CDC42BPG: variants seen among roughly 807,000 people sequenced by gnomAD.
The protein encoded by CDC42BPG is serine/threonine-protein kinase MRCK gamma.
A neutral mutation model predicts 192.2 loss-of-function variants in CDC42BPG; 157 were observed. The ratio of observed to expected loss-of-function variants is 0.82; its 90% CI spans 0.72 to 0.93. The LOEUF is 0.93. Among genes scored for constraint, CDC42BPG ranks in the 40% least tolerant of loss-of-function variants. The probability of loss-of-function intolerance (pLI) is 0.00; values close to 1 mark genes in which losing one functional copy is unlikely to be tolerated. For missense variants in CDC42BPG, 1,992 were observed against 2,122.1 expected (o/e 0.94, Z 1.20); for synonymous variants, 981 against 918.5 (o/e 1.07, Z -1.23).
intron 27 of CDC42BPG, among the ~76,000 whole-genome samples, chr11:64,832,023 A>G (rs1349816983): frequency 6.6e-6 from 1 of 152,238 alleles, no homozygotes; most frequent in Non-Finnish European, 1.5e-5. Context: ...GGAGTAGTCA[A>G]GGTAGGTGAG....
chr11:64,841,499 G>C (rs964738264), intron 3 of CDC42BPG, 151 bp downstream of exon 3: 3 of 660,474 alleles, frequency 4.5e-6, no homozygotes, highest in Non-Finnish European at 8.1e-6. Context: ...TTTATTGTGA[G>C]AAAGATAACA....
At position 64,840,237 on chromosome 11, in the gene CDC42BPG, T is replaced by TC. The variant is rs1943219272; in HGVS notation, c.463dup (p.Asp155GlyfsTer24). 2 of 1,612,232 alleles carry TC rather than the reference T, an allele frequency of 1.2e-6. No homozygotes were observed. The highest frequency in any genetic ancestry group is 1.7e-6 in the Non-Finnish European group (2 of 1,179,898). ...GAAGCGGCTCAGCAGCGTCAGGAGG[T>TC]CCCCACCAGCATAGTAGTCCATCAC... On this transcript the variant is annotated frameshift_variant, in exon 5 of 37. Transcript: ENST00000342711. LOFTEE classifies it high-confidence loss of function.
In CDC42BPG at chr11:64,834,852, T is replaced by C; in HGVS notation, c.2172A>G (p.Pro724=). ...NVGTQTLPAR[P]LDHQWKARRL... Reference sequence around the variant, plus strand: ...CAGGGGCATCTCTGGGGCTCACCAGTGGCCGGGCAGGGAGCGTCTGGGTGC... The same window carrying C: ...CAGGGGCATCTCTGGGGCTCACCAGCGGCCGGGCAGGGAGCGTCTGGGTGC... The change falls in exon 18 of 37, where the codon CCA becomes CCG. Residue 724 remains proline (P), a synonymous_variant. Coordinates refer to ENST00000342711, the MANE Select transcript of CDC42BPG (RefSeq NM_017525.3). 1 of 1,612,708 alleles carries C rather than the reference T, an allele frequency of 6.2e-7. No individual in the cohort carries two copies. Among genetic ancestry groups the C allele is most frequent in the Non-Finnish European group, 8.5e-7 (1 of 1,179,656 alleles).
At chr11:64,835,295 C>T (rs1942926764) in intron 16 of CDC42BPG, 52 bp downstream of exon 16, 2 of 1,612,024 alleles carry the variant, frequency 1.2e-6, no homozygotes, top group Non-Finnish European at 1.7e-6. Context: ...TCAACTGGCT[C>T]CCCATTGCCT....
At chr11:64,835,655 C>T (rs1942949312) in intron 14 of CDC42BPG, 34 bp from the exon 15 acceptor site, 4 of 1,579,800 alleles carry the variant, frequency 2.5e-6, no homozygotes, top group Non-Finnish European at 3.4e-6. Flanking sequence ...GGCAGAGACC[C>T]AAGATGCCAT....
Position 64,827,404 on chromosome 11 carries a change from G to A in CDC42BPG, c.4151-6C>T. On this transcript the variant is annotated splice_polypyrimidine_tract_variant and splice_region_variant and intron_variant, in intron 32 of 36. Coordinates refer to ENST00000342711, the MANE Select transcript of CDC42BPG (RefSeq NM_017525.3). ...GATGTCGAACTCGTCCTTCTCTGTG[G>A]GAGAAGTGGAGAGCTGGGCTGTGCT... 1 of 1,612,818 alleles carries A rather than the reference G, an allele frequency of 6.2e-7. No individual in the cohort carries two copies. Among genetic ancestry groups the A allele is most frequent in the East Asian group, 2.2e-5 (1 of 44,816 alleles).
rs201455618 is a variant in CDC42BPG, at chr11:64,827,407, G to A, written c.4151-9C>T. ...GTCGAACTCGTCCTTCTCTGTGGGAGAAGTGGAGAGCTGGGCTGTGCTCAC... is the reference window on the plus strand; with the variant it reads ...GTCGAACTCGTCCTTCTCTGTGGGAAAAGTGGAGAGCTGGGCTGTGCTCAC... On this transcript the variant is annotated splice_polypyrimidine_tract_variant and intron_variant, in intron 32 of 36. Transcript: ENST00000342711. 1 of 1,612,744 alleles carries A rather than the reference G, an allele frequency of 6.2e-7. No homozygotes were observed. Among genetic ancestry groups the A allele is most frequent in the Non-Finnish European group, 8.5e-7 (1 of 1,178,918 alleles).
At chr11:64,835,677 C>A in intron 14 of CDC42BPG, 56 bp from the exon 15 acceptor site, 1 of 1,591,956 alleles carries the variant, frequency 6.3e-7, no homozygotes, top group South Asian at 1.1e-5. Flanking sequence ...GCCCACCCAC[C>A]TGGGACACAG....
chr11:64,832,046 A>G (rs1446975375), intron 27 of CDC42BPG, among the ~76,000 whole-genome samples: 8 of 152,252 alleles, frequency 5.3e-5, no homozygotes, highest in Non-Finnish European at 1.0e-4. Flanking sequence ...GCTGGGCTCC[A>G]GTGCAGGGCC....
chr11:64,834,305 C>G lies in CDC42BPG; in HGVS notation c.2374G>C (p.Ala792Pro). 2 of 1,580,780 alleles carry G rather than the reference C, an allele frequency of 1.3e-6. No homozygotes were observed. Among genetic ancestry groups the G allele is most frequent in the Non-Finnish European group, 1.7e-6 (2 of 1,168,022 alleles). ...GCCCGCAGCTCCTCCCGCAGCATGG[C>G]GAGCTCCTGTTGCAGGGCCTGGCTC... is the stretch of plus-strand genomic sequence containing the variant. ...KQSQALQQEL[A>P]MLREELRARG... Residue 792 changes from alanine (A) to proline (P), a missense_variant, in exon 20 of 37, where the codon GCC (alanine) becomes CCC (proline). By Grantham distance (27) the Ala-to-Pro change is conservative (BLOSUM62 -1). Around this residue, in one of 2 missense-constraint regions of CDC42BPG, gnomAD observed 1,656 missense variants for 1,844.3 expected, o/e 0.90. Coordinates refer to ENST00000342711, the MANE Select transcript of CDC42BPG (RefSeq NM_017525.3).
In CDC42BPG at chr11:64,824,174, A is replaced by C. The variant is rs1942336809; in HGVS notation, c.*299T>G. The C allele has an allele frequency of 2.2e-6, 1 of 450,734 alleles. No homozygotes were observed. Among genetic ancestry groups the C allele is most frequent in the Admixed American group, 3.5e-5 (1 of 28,272 alleles). The allele number at this position is 450,734 out of a possible 1,614,324, so 27.9% of individuals were successfully genotyped here. ...TCTTACAAGCCTCTGGGGGCTTGGC[A>C]CTGGAAATAAGAGCTTTGGCACAAT... On this transcript the variant is annotated 3_prime_UTR_variant, in exon 37 of 37. Coordinates refer to ENST00000342711, the MANE Select transcript of CDC42BPG (RefSeq NM_017525.3).
intron 3 of CDC42BPG, 36 bp downstream of exon 3, chr11:64,841,614 T>C (rs1486393132): frequency 6.5e-7 from 1 of 1,548,920 alleles, no homozygotes; most frequent in Non-Finnish European, 8.9e-7. Flanking sequence ...CACCCATTTG[T>C]AGGGTGCCCA....
intron 30 of CDC42BPG, among the ~76,000 whole-genome samples, chr11:64,828,620 T>G (rs1484104658): frequency 2.6e-5 from 4 of 152,038 alleles, no homozygotes; most frequent in Non-Finnish European, 5.9e-5. Flanking sequence ...TAGTTAAGAG[T>G]TTGCCAGGTA....
chr11:64,834,934 T>A lies in CDC42BPG; in HGVS notation c.2090A>T (p.Tyr697Phe). Residue 697 changes from tyrosine to phenylalanine, a missense_variant, in exon 18 of 37, where the codon TAC becomes TTC. By Grantham distance (22) the Tyr-to-Phe change is conservative (BLOSUM62 3). This residue lies in a region of CDC42BPG where 1,656 missense variants were observed against 1,844.3 expected (regional missense o/e 0.90). Transcript: ENST00000342711. ...CATCTTGGTGGCCAGGGCCTGCAGG[T>A]AGCCTCTTGAGACCTTCTCATCATT... Reference protein sequence around the residue: ...WVNDEKVSRGYLQALATKMAE... With the variant: ...WVNDEKVSRGFLQALATKMAE... The A allele has an allele frequency of 6.2e-7, 1 of 1,614,074 alleles. No individual in the cohort carries two copies. Among genetic ancestry groups the A allele is most frequent in the East Asian group, 2.2e-5 (1 of 44,878 alleles).
intron 18 of CDC42BPG, 84 bp from the exon 19 acceptor site, chr11:64,834,661 C>T: frequency 6.9e-7 from 1 of 1,447,570 alleles, no homozygotes. Flanking sequence ...ATCCTGCTAC[C>T]CATGCCACCC....
intron 1 of CDC42BPG, among the ~76,000 whole-genome samples, chr11:64,842,932 C>CCCGCAG (rs1943343346): frequency 2.0e-5 from 3 of 152,272 alleles, no homozygotes; most frequent in African/African-American, 7.2e-5. Context: ...CAGGCAGAAG[C>CCCGCAG]CCGCAGCGGG....
intron 1 of CDC42BPG, 45 bp from the exon 2 acceptor site, chr11:64,841,949 T>C: frequency 1.4e-6 from 2 of 1,459,914 alleles, no homozygotes; most frequent in Non-Finnish European, 1.9e-6. Context: ...GAGGGAGGGC[T>C]CCATTCCCCC....
intron 5 of CDC42BPG, 64 bp downstream of exon 5, chr11:64,840,056 G>A: frequency 6.6e-7 from 1 of 1,511,704 alleles, no homozygotes; most frequent in Non-Finnish European, 9.0e-7. Context: ...GCTGTCCCCA[G>A]CACAGCTGGC....
At position 64,836,353 on chromosome 11, in the gene CDC42BPG, G is replaced by A. The variant is rs991507788; in HGVS notation, c.1489-57C>T. ...CAAGGCCCAGAGTCAGGCACGAACC[G>A]TCCATGGAGCCCAGGGCCACTCACC... On this transcript the variant is annotated intron_variant, in intron 12 of 36. Coordinates refer to ENST00000342711, the MANE Select transcript of CDC42BPG (RefSeq NM_017525.3). 1.1e-5 allele frequency: 17 copies of A among 1,604,896 alleles called. No individual in the cohort carries two copies. The African/African-American group carries it at 1.1e-4, about 10-fold the overall frequency.
Sources: gnomAD v4.1 joint callset for allele counts (sites outside exome capture counted in the v4.1 genomes callset) on GRCh38, gnomAD v4.1.1 for gene constraint, gnomAD v4.1.1 regional missense constraint, MANE v1.5 for transcripts, NCBI Gene and HGNC (gene_info 2026-07-23, HGNC 2026-07-21) for gene names.